Variants in SDK2 observed in about 807,000 individuals in gnomAD.
SDK2 encodes the protein sidekick cell adhesion molecule 2, also known as protein sidekick-2.
SDK2 carries 105 observed loss-of-function variants against 253.9 expected under a neutral mutation model. That is an observed-to-expected ratio of 0.41 (90% CI 0.35 to 0.49). SDK2 has a LOEUF of 0.49. Among genes scored for constraint, SDK2 ranks in the 20% least tolerant of loss-of-function variants. The pLI is 0.06. For missense variants in SDK2, 2,608 were observed against 3,003.0 expected (o/e 0.87, Z 3.07); for synonymous variants, 1,249 against 1,234.9 (o/e 1.01, Z -0.24).
At chr17:73,524,429 G>A (rs1383887221) in intron 1 of SDK2, among the ~76,000 whole-genome samples, 1 of 152,188 alleles carries the variant, frequency 6.6e-6, no homozygotes, top group Non-Finnish European at 1.5e-5. Context: ...TCCCCTGGTG[G>A]GCTGGGGATG....
At chr17:73,339,217 TTTTTTG>T (rs139684133) in intron 44 of SDK2, among the ~76,000 whole-genome samples, 28 of 148,192 alleles carry the variant, frequency 1.9e-4, no homozygotes, top group African/African-American at 5.4e-4. Context: ...ACCTGAGTTT[TTTTTTG>T]TTTTTGTTTT....
In SDK2 at chr17:73,592,267, G is replaced by A. The variant is rs1006572149; in HGVS notation, c.64+51758C>T. The stretch of plus-strand genomic sequence containing the variant: ...CTTCTTGGAAAGATCTAGGCCTCTC[G>A]GCCCCCATCATGCCGAAATTAGAGG... On this transcript the variant is annotated intron_variant, in intron 1 of 44. Coordinates refer to ENST00000392650, the MANE Select transcript of SDK2 (RefSeq NM_001144952.2). Among the ~76,000 whole-genome samples, 9 of 152,344 alleles carry A rather than the reference G, an allele frequency of 5.9e-5. No homozygotes were observed. The South Asian group carries it at 1.2e-3, about 21-fold the overall frequency.
chr17:73,486,119 G>A (rs561610239), intron 2 of SDK2, among the ~76,000 whole-genome samples: 20 of 152,282 alleles, frequency 1.3e-4, no homozygotes, highest in African/African-American at 2.6e-4. Flanking sequence ...TGGGGTAGGC[G>A]GCAGTTTCAG....
Position 73,352,322 on chromosome 17 carries a change from T to C in SDK2, c.5758+151A>G. ...TGACCCAGGCCTGGGCACCAGCACTTGCCTCTTCACAGCCCCGAGGGGACA... is the reference window on the plus strand; with the variant it reads ...TGACCCAGGCCTGGGCACCAGCACTCGCCTCTTCACAGCCCCGAGGGGACA... On this transcript the variant is annotated intron_variant, in intron 41 of 44. Coordinates refer to ENST00000392650, the MANE Select transcript of SDK2 (RefSeq NM_001144952.2). This position sits in a 1 kb window ranked among gnomAD's most constrained non-coding sequence, Gnocchi z 4.1. The C allele has an allele frequency of 1.0e-6, 1 of 966,624 alleles. No homozygotes were observed. Among genetic ancestry groups the C allele is most frequent in the Non-Finnish European group, 1.5e-6 (1 of 667,806 alleles). 59.9% of individuals were successfully genotyped at this position (966,624 alleles called of 1,614,324 possible).
chr17:73,465,934 CGTGT>C lies in SDK2; in HGVS notation c.331+6174_331+6177del, dbSNP rs1372815254. Among the ~76,000 whole-genome samples the C allele has an allele frequency of 6.6e-6, 1 of 152,114 alleles. No homozygotes were observed. Among genetic ancestry groups the C allele is most frequent in the African/African-American group, 2.4e-5 (1 of 41,406 alleles). ...CTCTCTCAGAACTGTGTGCCATCTG[CGTGT>C]GTGTGTAAGGAGACAGACGGATTGG... On this transcript the variant is annotated intron_variant, in intron 3 of 44. Coordinates refer to ENST00000392650, the MANE Select transcript of SDK2 (RefSeq NM_001144952.2). The surrounding 1 kb of genome is among the most constrained non-coding windows in gnomAD (Gnocchi z 4.2).
Position 73,541,849 on chromosome 17 carries a change from T to G in SDK2, c.65-34252A>C, listed in dbSNP as rs2044873819. The stretch of plus-strand genomic sequence containing the variant: ...GAGCCGAGTGGAAGATCCTCGTCAA[T>G]CGGGCTCATGGTTTGGTGGAAACCA... On this transcript the variant is annotated intron_variant, in intron 1 of 44. Transcript: ENST00000392650. This position sits in a 1 kb window ranked among gnomAD's most constrained non-coding sequence, Gnocchi z 4.3. 6.6e-6 allele frequency among the ~76,000 whole-genome samples: 1 copy of G among 152,126 alleles called. No individual in the cohort carries two copies. The highest frequency in any genetic ancestry group is 1.5e-5 in the Non-Finnish European group (1 of 68,024).
intron 1 of SDK2, among the ~76,000 whole-genome samples, chr17:73,601,618 T>C (rs1462428345): frequency 6.6e-6 from 1 of 152,090 alleles, no homozygotes; most frequent in Admixed American, 6.5e-5. Flanking sequence ...GGCTAAGGCA[T>C]GTGGAGAATC....
rs1180449328 is a variant in SDK2, at chr17:73,644,352, T to A, written c.-264A>T. Among the ~76,000 whole-genome samples, 1 of 152,150 alleles carries A rather than the reference T, an allele frequency of 6.6e-6. No individual in the cohort carries two copies. Among genetic ancestry groups the A allele is most frequent in the East Asian group, 1.9e-4 (1 of 5,154 alleles). On this transcript the variant is annotated 5_prime_UTR_variant, in exon 1 of 45. Coordinates refer to ENST00000392650, the MANE Select transcript of SDK2 (RefSeq NM_001144952.2). The surrounding 1 kb of genome is among the most constrained non-coding windows in gnomAD (Gnocchi z 6.3). ...AAGAGGCCAGGCCGCCCTCTCGGAC[T>A]AGGGCGCCTCTCTCCCTTAGCACCC...
rs1333049922 is a variant in SDK2, at chr17:73,361,296, A to G, written c.5467+388T>C. Among the ~76,000 whole-genome samples the G allele has an allele frequency of 1.3e-5, 2 of 152,188 alleles. No homozygotes were observed. Among genetic ancestry groups the G allele is most frequent in the African/African-American group, 2.4e-5 (1 of 41,442 alleles). ...GTAGGGGTGGTTCAGGGGCGTGGGAAGATGGCTCTGGCTGGGCGAAAGGCA... is the reference window on the plus strand; with the variant it reads ...GTAGGGGTGGTTCAGGGGCGTGGGAGGATGGCTCTGGCTGGGCGAAAGGCA... On this transcript the variant is annotated intron_variant, in intron 39 of 44. Transcript: ENST00000392650. This position sits in a 1 kb window ranked among gnomAD's most constrained non-coding sequence, Gnocchi z 4.1.
rs994181880 is a variant in SDK2, at chr17:73,361,597, A to G, written c.5467+87T>C. The G allele has an allele frequency of 5.0e-6, 7 of 1,395,244 alleles. No individual in the cohort carries two copies. Among genetic ancestry groups the G allele is most frequent in the Non-Finnish European group, 7.0e-6 (7 of 1,004,406 alleles). The allele number at this position is 1,395,244 out of a possible 1,614,324, so 86.4% of individuals were successfully genotyped here. On this transcript the variant is annotated intron_variant, in intron 39 of 44. Transcript: ENST00000392650. This position sits in a 1 kb window ranked among gnomAD's most constrained non-coding sequence, Gnocchi z 4.1. Reference sequence around the variant, plus strand: ...GTCCTCCACTCTGTTTCCAGGGTCCAGCACAGCTCTTGACACCGGGGGCCC... The same window carrying G: ...GTCCTCCACTCTGTTTCCAGGGTCCGGCACAGCTCTTGACACCGGGGGCCC...
At chr17:73,608,506 G>A (rs1163876378) in intron 1 of SDK2, among the ~76,000 whole-genome samples, 3 of 152,240 alleles carry the variant, frequency 2.0e-5, no homozygotes, top group Middle Eastern at 3.4e-3. Context: ...GCAATGGCGC[G>A]ATCTCGGCTC....
intron 1 of SDK2, among the ~76,000 whole-genome samples, chr17:73,640,785 G>C (rs772196339): frequency 6.6e-6 from 1 of 152,152 alleles, no homozygotes; most frequent in Non-Finnish European, 1.5e-5. Flanking sequence ...TGTCCCCACT[G>C]CCTTGTTCTC....
At position 73,629,117 on chromosome 17, in the gene SDK2, C is replaced by T. The variant is rs2046238281; in HGVS notation, c.64+14908G>A. Among the ~76,000 whole-genome samples the T allele has an allele frequency of 6.6e-6, 1 of 152,242 alleles. No homozygotes were observed. The highest frequency in any genetic ancestry group is 1.5e-5 in the Non-Finnish European group (1 of 68,052). On this transcript the variant is annotated intron_variant, in intron 1 of 44. Transcript: ENST00000392650. This position sits in a 1 kb window ranked among gnomAD's most constrained non-coding sequence, Gnocchi z 5.0. ...GGGGCAGGAAAGCCAGGCTCCTGAG[C>T]TCGCACCTCACTTGCCTTTCTTGGC... is the stretch of plus-strand genomic sequence containing the variant.
chr17:73,509,654 G>T (rs1438695639), intron 1 of SDK2, among the ~76,000 whole-genome samples: 1 of 149,706 alleles, frequency 6.7e-6, no homozygotes, highest in African/African-American at 2.5e-5. Context: ...AAGAAGGAAA[G>T]TTGGGAGGCT....
Position 73,415,917 on chromosome 17 carries a change from C to T in SDK2, c.2262G>A (p.Leu754=). The T allele has an allele frequency of 5.0e-6, 8 of 1,609,476 alleles. No homozygotes were observed. The highest frequency in any genetic ancestry group is 6.8e-6 in the Non-Finnish European group (8 of 1,178,116). The stretch of plus-strand genomic sequence containing the variant: ...AGTTGGTCCAAATGATGAGATCCTC[C>T]AGCAGCAGGTTGTTCACATCAGCAT... ...ITDADVNNLL[L]EDLIIWTNYE... The change falls in exon 17 of 45, where the codon CTG becomes CTA. Residue 754 remains leucine (L), a synonymous_variant. Transcript: ENST00000392650.
chr17:73,421,155 C>T (rs1251035692), intron 15 of SDK2, among the ~76,000 whole-genome samples: 4 of 152,224 alleles, frequency 2.6e-5, no homozygotes, highest in Non-Finnish European at 5.9e-5. Flanking sequence ...CCTGTCCTCC[C>T]TCCAGTGGTC....
chr17:73,383,675 A>G lies in SDK2; in HGVS notation c.4705+201T>C, dbSNP rs914303021. On this transcript the variant is annotated intron_variant, in intron 33 of 44. Transcript: ENST00000392650. This position sits in a 1 kb window ranked among gnomAD's most constrained non-coding sequence, Gnocchi z 4.3. ...TGTCTTGATCATTGGTGTGCCCCAC[A>G]GTGACTCGGGGCCCATAGAAGGTGC... Among the ~76,000 whole-genome samples the G allele has an allele frequency of 3.3e-5, 5 of 152,226 alleles. No individual in the cohort carries two copies. The highest frequency in any genetic ancestry group is 1.2e-4 in the African/African-American group (5 of 41,452).
intron 36 of SDK2, among the ~76,000 whole-genome samples, chr17:73,375,826 A>G (rs921442737): frequency 2.7e-4 from 40 of 148,800 alleles, no homozygotes; most frequent in African/African-American, 1.0e-3. Context: ...ACTGCACTTC[A>G]GCCTGGGTGA....
At chr17:73,474,728 G>T (rs981716055) in intron 2 of SDK2, among the ~76,000 whole-genome samples, 2 of 152,154 alleles carry the variant, frequency 1.3e-5, no homozygotes, top group African/African-American at 4.8e-5. Context: ...GCGAGGGGAG[G>T]CCACTGTGGG....
Sources: gnomAD v4.1 joint callset for allele counts (sites outside exome capture counted in the v4.1 genomes callset) on GRCh38, gnomAD v4.1.1 for gene constraint, Gnocchi (gnomAD v3.1) non-coding constraint, MANE v1.5 for transcripts, NCBI Gene and HGNC (gene_info 2026-07-23, HGNC 2026-07-21) for gene names.